FBXL17: variants seen among roughly 807,000 people sequenced by gnomAD.
FBXL17 encodes the protein F-box/LRR-repeat protein 17.
In FBXL17, 22 loss-of-function variants were observed where a neutral mutation model predicts 66.2. The observed-to-expected ratio is 0.33, with a 90% CI of 0.24 to 0.47. The LOEUF is 0.47. FBXL17 is among the 20% of genes least tolerant of loss of function. FBXL17 has a pLI of 1.00. For synonymous variants in FBXL17, 474 were observed against 400.5 expected, an observed-to-expected ratio of 1.18 and a Z score of -2.19; for missense variants, 878 against 948.2, an observed-to-expected ratio of 0.93 and a Z score of 0.97.
intron 4 of FBXL17, among the ~76,000 whole-genome samples, chr5:108,306,666 T>C (rs1380045145): frequency 1.3e-5 from 2 of 152,144 alleles, no homozygotes; most frequent in East Asian, 1.9e-4. Flanking sequence ...TTCTTCACTC[T>C]GTGGTTTGTC....
intron 6 of FBXL17, among the ~76,000 whole-genome samples, chr5:108,041,096 G>A (rs930732437): frequency 6.6e-6 from 1 of 152,144 alleles, no homozygotes; most frequent in African/African-American, 2.4e-5. Flanking sequence ...ATTAAATGAT[G>A]TAATATATGT....
intron 6 of FBXL17, among the ~76,000 whole-genome samples, chr5:108,114,463 T>C (rs969033575): frequency 7.2e-5 from 11 of 152,218 alleles, no homozygotes; most frequent in African/African-American, 2.4e-4. Context: ...TCAAACAAAT[T>C]AGGCAAGAAA....
At chr5:108,007,794 A>G (rs1753996744) in intron 7 of FBXL17, among the ~76,000 whole-genome samples, 1 of 152,186 alleles carries the variant, frequency 6.6e-6, no homozygotes, top group Non-Finnish European at 1.5e-5. Flanking sequence ...AAGACAGCAT[A>G]ACGATAGAAA....
At chr5:107,960,226 A>G (rs1287767385) in intron 7 of FBXL17, among the ~76,000 whole-genome samples, 1 of 148,634 alleles carries the variant, frequency 6.7e-6, no homozygotes, top group African/African-American at 2.5e-5. Context: ...TCATTCATCT[A>G]CTCTTTCTCT....
intron 4 of FBXL17, among the ~76,000 whole-genome samples, chr5:108,225,654 G>A (rs1223099624): frequency 6.6e-6 from 1 of 152,154 alleles, no homozygotes; most frequent in Non-Finnish European, 1.5e-5. Context: ...GGACTTCCAG[G>A]CTCTAGAACT....
intron 5 of FBXL17, among the ~76,000 whole-genome samples, chr5:108,218,685 C>T (rs541713150): frequency 7.5e-6 from 1 of 132,974 alleles, no homozygotes; most frequent in East Asian, 3.7e-4. Flanking sequence ...ATTAGTGACA[C>T]TGAGCATTTT....
intron 6 of FBXL17, among the ~76,000 whole-genome samples, chr5:108,121,444 G>A (rs190371708): frequency 2.6e-5 from 4 of 152,230 alleles, no homozygotes; most frequent in Non-Finnish European, 5.9e-5. Flanking sequence ...AAAATGTAAA[G>A]CAAGGAGGAA....
At chr5:108,366,181 A>C (rs1463540258) in intron 2 of FBXL17, among the ~76,000 whole-genome samples, 1 of 152,084 alleles carries the variant, frequency 6.6e-6, no homozygotes, top group Non-Finnish European at 1.5e-5. Flanking sequence ...CTATATAGGA[A>C]CGTCCACATC....
At position 108,381,450 on chromosome 5, in the gene FBXL17, G is replaced by T; in HGVS notation, c.242C>A (p.Pro81Gln). ...PAPAGPEEEP[P>Q]LSPPPRDGAY... ...CCCGTCCCGCGGCGGCGGCGAGAGCGGCGGCTCCTCCTCTGGGCCGGCGGG... is the reference window on the plus strand; with the variant it reads ...CCCGTCCCGCGGCGGCGGCGAGAGCTGCGGCTCCTCCTCTGGGCCGGCGGG... Residue 81 changes from proline to glutamine, a missense_variant, in exon 1 of 9, where the codon CCG becomes CAG. Around this residue, in one of 4 missense-constraint regions of FBXL17, gnomAD observed 605 missense variants for 509.5 expected, o/e 1.19. Transcript: ENST00000542267. The T allele has an allele frequency of 7.6e-7, 1 of 1,315,892 alleles. No individual in the cohort carries two copies. Among genetic ancestry groups the T allele is most frequent in the Non-Finnish European group, 9.6e-7 (1 of 1,040,164 alleles). 81.5% of individuals were successfully genotyped at this position (1,315,892 alleles called of 1,614,324 possible).
chr5:108,358,211 A>C (rs1417762004), intron 3 of FBXL17, among the ~76,000 whole-genome samples: 1 of 152,120 alleles, frequency 6.6e-6, no homozygotes. Flanking sequence ...CTTTCAGCAC[A>C]ATGTAAAACA....
rs140565243 is a variant in FBXL17, at chr5:108,231,586, G to A, written c.1507-7358C>T. ...GTTCCCGCAACAGTACATTCTGCTG[G>A]CCTAGAGGTCTTAGTTCCAGAGGAA... On this transcript the variant is annotated intron_variant, in intron 4 of 8. Coordinates refer to ENST00000542267, the MANE Select transcript of FBXL17 (RefSeq NM_001163315.3). Among the ~76,000 whole-genome samples, 795 of 152,174 alleles carry A rather than the reference G, an allele frequency of 5.2e-3. 7 individuals carry two copies. The highest frequency in any genetic ancestry group is 0.014 in the African/African-American group (586 of 41,518).
chr5:108,324,153 G>C (rs1561529630), intron 4 of FBXL17, among the ~76,000 whole-genome samples: 1 of 151,940 alleles, frequency 6.6e-6, no homozygotes, highest in Non-Finnish European at 1.5e-5. Flanking sequence ...GAAACCTATG[G>C]AATGGGATAA....
chr5:107,922,800 G>T (rs189525228), intron 7 of FBXL17, among the ~76,000 whole-genome samples: 24 of 152,268 alleles, frequency 1.6e-4, no homozygotes, highest in African/African-American at 5.8e-4. Flanking sequence ...AAGGCACAGG[G>T]TCATCTGCCA....
intron 6 of FBXL17, among the ~76,000 whole-genome samples, chr5:108,060,001 T>C (rs1243636211): frequency 6.6e-6 from 1 of 150,468 alleles, no homozygotes; most frequent in African/African-American, 2.4e-5. Flanking sequence ...ACTGAATATA[T>C]ATAAAAACCT....
At chr5:108,258,682 T>C (rs1461245288) in intron 4 of FBXL17, among the ~76,000 whole-genome samples, 2 of 152,086 alleles carry the variant, frequency 1.3e-5, no homozygotes, top group Non-Finnish European at 2.9e-5. Context: ...CCAAGTCATT[T>C]AACCTTTCCA....
intron 7 of FBXL17, among the ~76,000 whole-genome samples, chr5:107,923,599 A>T (rs1285262742): frequency 6.6e-6 from 1 of 151,992 alleles, no homozygotes; most frequent in Admixed American, 6.6e-5. Context: ...TCAGCATTCT[A>T]CTCCTGAAAA....
rs147801491 is a variant in FBXL17, at chr5:107,965,880, A to G, written c.1822+55045T>C. Reference sequence around the variant, plus strand: ...ATAAAATATGATGACACCAATTAGCACTTCTTACAAATAGCTATTTTGGTG... The same window carrying G: ...ATAAAATATGATGACACCAATTAGCGCTTCTTACAAATAGCTATTTTGGTG... On this transcript the variant is annotated intron_variant, in intron 7 of 8. Transcript: ENST00000542267. Among the ~76,000 whole-genome samples the G allele has an allele frequency of 4.5e-3, 682 of 152,218 alleles. 6 individuals carry two copies. The highest frequency in any genetic ancestry group is 0.016 in the African/African-American group (652 of 41,546).
At chr5:108,060,482 A>G (rs892271623) in intron 6 of FBXL17, among the ~76,000 whole-genome samples, 1 of 152,134 alleles carries the variant, frequency 6.6e-6, no homozygotes, top group Non-Finnish European at 1.5e-5. Flanking sequence ...CACCAGGCAA[A>G]AAGTGTCACA....
chr5:107,934,552 G>T (rs146876764), intron 7 of FBXL17, among the ~76,000 whole-genome samples: 1 of 152,066 alleles, frequency 6.6e-6, no homozygotes, highest in Non-Finnish European at 1.5e-5. Flanking sequence ...AACTTTAAAG[G>T]TTACTTTTTT....
Sources: gnomAD v4.1 joint callset for allele counts (sites outside exome capture counted in the v4.1 genomes callset) on GRCh38, gnomAD v4.1.1 for gene constraint, gnomAD v4.1.1 regional missense constraint, MANE v1.5 for transcripts, NCBI Gene and HGNC (gene_info 2026-07-23, HGNC 2026-07-21) for gene names.